Variants in RFX3 observed in about 807,000 individuals in gnomAD.
RFX3 encodes transcription factor RFX3.
RFX3 carries 14 observed loss-of-function variants against 98.6 expected under a neutral mutation model. That is an observed-to-expected ratio of 0.14 (90% CI 0.09 to 0.22). The LOEUF (loss-of-function observed/expected upper bound fraction) is 0.22, where lower values mean the gene tolerates loss of function less well. Among genes scored for constraint, RFX3 ranks in the 10% least tolerant of loss-of-function variants. The pLI, the probability that RFX3 is intolerant of heterozygous loss-of-function variation, is 1.00. For missense variants in RFX3, 639 were observed against 926.9 expected (o/e 0.69, Z 4.03); for synonymous variants, 383 against 328.4 (o/e 1.17, Z -1.80).
intron 2 of RFX3, chr9:3,364,580 C>A: frequency 6.1e-6 from 1 of 164,634 alleles, no homozygotes; most frequent in Non-Finnish European, 1.3e-5. Flanking sequence ...GCCATCCAGG[C>A]AGATGATGCT....
At chr9:3,519,866 A>C (rs1818529615) in intron 1 of RFX3, among the ~76,000 whole-genome samples, 1 of 152,172 alleles carries the variant, frequency 6.6e-6, no homozygotes, top group African/African-American at 2.4e-5. Flanking sequence ...ATTTTGAAGC[A>C]ATACAACTTG....
intron 1 of RFX3, among the ~76,000 whole-genome samples, chr9:3,456,092 T>C (rs891529904): frequency 2.0e-5 from 3 of 152,226 alleles, no homozygotes; most frequent in Non-Finnish European, 4.4e-5. Flanking sequence ...CTGAAGGCTG[T>C]GTAAAGCTGT....
chr9:3,326,666 C>G (rs774403798), intron 4 of RFX3, among the ~76,000 whole-genome samples: 55 of 152,130 alleles, frequency 3.6e-4, no homozygotes, highest in Admixed American at 3.5e-3. Flanking sequence ...GACATGATCT[C>G]GTTCTTTGTT....
chr9:3,410,199 G>C (rs549687489), intron 1 of RFX3, among the ~76,000 whole-genome samples: 28 of 151,534 alleles, frequency 1.8e-4, no homozygotes, highest in African/African-American at 6.0e-4. Context: ...GTGTGTGTGT[G>C]TGTGTGTGTG....
At chr9:3,375,943 G>A (rs1402997750) in intron 2 of RFX3, among the ~76,000 whole-genome samples, 1 of 151,798 alleles carries the variant, frequency 6.6e-6, no homozygotes, top group East Asian at 1.9e-4. Context: ...CTGGGTGACA[G>A]AGCGAGACTC....
At chr9:3,241,593 G>A (rs1300817290) in intron 15 of RFX3, among the ~76,000 whole-genome samples, 1 of 152,118 alleles carries the variant, frequency 6.6e-6, no homozygotes, top group East Asian at 1.9e-4. Flanking sequence ...AATGGGACAC[G>A]GAGCCAATTC....
chr9:3,392,957 T>C (rs1840463063), intron 2 of RFX3, among the ~76,000 whole-genome samples: 1 of 150,916 alleles, frequency 6.6e-6, no homozygotes, highest in Non-Finnish European at 1.5e-5. Context: ...GAAATTAAAA[T>C]ATAACTTATA....
chr9:3,321,966 C>T (rs986732213), intron 4 of RFX3, among the ~76,000 whole-genome samples: 4 of 152,012 alleles, frequency 2.6e-5, no homozygotes, highest in Non-Finnish European at 5.9e-5. Flanking sequence ...CCTACTTGGT[C>T]TCTAGTCTTT....
chr9:3,418,073 T>A (rs1408558648), intron 1 of RFX3, among the ~76,000 whole-genome samples: 1 of 152,210 alleles, frequency 6.6e-6, no homozygotes, highest in Non-Finnish European at 1.5e-5. Flanking sequence ...ATATTTCACA[T>A]AGCACAATGA....
At chr9:3,247,267 G>A (rs1820805172) in intron 15 of RFX3, 1 of 987,128 alleles carries the variant, frequency 1.0e-6, no homozygotes, top group Non-Finnish European at 1.2e-6. Context: ...TATATTCAGA[G>A]TTTAAGCTTT....
Position 3,222,794 on chromosome 9 carries a change from G to A in RFX3, c.*2248C>T, listed in dbSNP as rs1379923492. On this transcript the variant is annotated 3_prime_UTR_variant, in exon 17 of 17. Coordinates refer to ENST00000617270, the MANE Select transcript of RFX3 (RefSeq NM_001282116.2). Reference sequence around the variant, plus strand: ...TCCATTGTCTTTTTGGGAGGAAAAAGGGGGACAGTAATTTAAATGACATTT... The same window carrying A: ...TCCATTGTCTTTTTGGGAGGAAAAAAGGGGACAGTAATTTAAATGACATTT... 6.6e-6 allele frequency: 1 copy of A among 152,102 alleles called. No individual in the cohort carries two copies. The highest frequency in any genetic ancestry group is 2.4e-5 in the African/African-American group (1 of 41,416). 9.4% of individuals were successfully genotyped at this position (152,102 alleles called of 1,614,324 possible). A position where few individuals can be genotyped will look rare whatever the true frequency, so the allele number is the denominator to read the frequency against.
At chr9:3,461,023 C>T (rs1040420044) in intron 1 of RFX3, among the ~76,000 whole-genome samples, 3 of 151,296 alleles carry the variant, frequency 2.0e-5, no homozygotes, top group African/African-American at 7.3e-5. Flanking sequence ...AGTTTTGGTA[C>T]ATTTTAACAT....
At chr9:3,358,433 T>G (rs752570062) in intron 2 of RFX3, among the ~76,000 whole-genome samples, 3 of 152,028 alleles carry the variant, frequency 2.0e-5, no homozygotes, top group South Asian at 2.1e-4. Context: ...ACTGGGAAAA[T>G]GTCAAGAATC....
At chr9:3,344,590 A>G (rs1834235079) in intron 3 of RFX3, 2 of 495,714 alleles carry the variant, frequency 4.0e-6, no homozygotes, top group African/African-American at 4.0e-5. Context: ...AACTCTCTCA[A>G]TACCCATTTC....
In RFX3 at chr9:3,525,838, GAGT is replaced by G. The variant is rs1248075120; in HGVS notation, c.-103_-101del. On this transcript the variant is annotated 5_prime_UTR_variant, in exon 1 of 17. Coordinates refer to ENST00000617270, the MANE Select transcript of RFX3 (RefSeq NM_001282116.2). ...AGGAAGAGGAGGAGGAGGAGGAGAG[GAGT>G]AGTTGTTGTTGATGGGTAACAGTCG... 1.0e-5 allele frequency: 10 copies of G among 976,030 alleles called. No individual in the cohort carries two copies. The highest frequency in any genetic ancestry group is 4.7e-5 in the South Asian group (1 of 21,346). 60.5% of individuals were successfully genotyped at this position (976,030 alleles called of 1,614,324 possible).
intron 3 of RFX3, among the ~76,000 whole-genome samples, chr9:3,345,831 T>C (rs920244908): frequency 7.2e-5 from 11 of 152,272 alleles, no homozygotes; most frequent in Middle Eastern, 3.4e-3. Flanking sequence ...ATGGAACTTA[T>C]AGGTTGACAT....
intron 1 of RFX3, among the ~76,000 whole-genome samples, chr9:3,495,885 A>AAT (rs1400171276): frequency 6.6e-6 from 1 of 152,076 alleles, no homozygotes; most frequent in Non-Finnish European, 1.5e-5. Flanking sequence ...CTTCTAATTA[A>AAT]ATTAAATGCC....
intron 1 of RFX3, among the ~76,000 whole-genome samples, chr9:3,500,329 G>A (rs1171591545): frequency 1.3e-5 from 2 of 152,098 alleles, no homozygotes; most frequent in South Asian, 2.1e-4. Flanking sequence ...GGACAAGAAC[G>A]TGTTAGAAAG....
chr9:3,317,788 C>G (rs1470841880), intron 4 of RFX3, among the ~76,000 whole-genome samples: 1 of 152,170 alleles, frequency 6.6e-6, no homozygotes, highest in Non-Finnish European at 1.5e-5. Flanking sequence ...CATCACTGGC[C>G]ATCAGAGAAA....
Sources: allele counts gnomAD v4.1 joint callset (sites outside exome capture counted in the v4.1 genomes callset), GRCh38; gene constraint gnomAD v4.1.1; transcripts MANE v1.5; gene names NCBI Gene and HGNC (gene_info 2026-07-23, HGNC 2026-07-21).